RAC1: variants seen among roughly 807,000 people sequenced by gnomAD.
RAC1 encodes Rac family small GTPase 1, also known as ras-related C3 botulinum toxin substrate 1.
RAC1 carries 2 observed loss-of-function variants against 25.2 expected under a neutral mutation model. The ratio of observed to expected loss-of-function variants is 0.08; its 90% CI spans 0.03 to 0.25. The LOEUF (loss-of-function observed/expected upper bound fraction) is 0.25, where lower values mean the gene tolerates loss of function less well. Among genes scored for constraint, RAC1 ranks in the 10% least tolerant of loss-of-function variants. RAC1 has a pLI of 1.00. For missense variants in RAC1, 50 were observed against 235.7 expected, an observed-to-expected ratio of 0.21 and a Z score of 5.16; for synonymous variants, 88 against 94.0, an observed-to-expected ratio of 0.94 and a Z score of 0.37.
In RAC1 at chr7:6,395,864, A is replaced by G. The variant is rs117790615; in HGVS notation, c.225+3823A>G. On this transcript the variant is annotated intron_variant, in intron 3 of 5. Coordinates refer to ENST00000348035, the MANE Select transcript of RAC1 (RefSeq NM_006908.5). The stretch of plus-strand genomic sequence containing the variant: ...AATCCAGGTGGATAGCATTTGGAAG[A>G]GAATAAAACGAAGTAGAAACAACAC... 2.0e-4 allele frequency among the ~76,000 whole-genome samples: 30 copies of G among 152,364 alleles called. No homozygotes were observed. In the East Asian group the frequency reaches 4.8e-3, roughly 24 times the overall value.
rs1321838628 is a variant in RAC1 at position 6,402,296 on chromosome 7, T to C, written c.449-20T>C. 1.9e-6 allele frequency: 3 copies of C among 1,592,782 alleles called. No homozygotes were observed. Among genetic ancestry groups the C allele is most frequent in the Middle Eastern group, 1.7e-4 (1 of 5,826 alleles). On this transcript the variant is annotated intron_variant, in intron 5 of 5. Transcript: ENST00000348035. ...GAGTGGGGTCGAGTGTACATTGCCG[T>C]GTGGTCGTGTTTCCTGTAGGTGCTG...
chr7:6,376,894 T>C (rs1252165766), intron 1 of RAC1, among the ~76,000 whole-genome samples: 3 of 151,818 alleles, frequency 2.0e-5, no homozygotes, highest in Non-Finnish European at 2.9e-5. Flanking sequence ...TGTGGACCTC[T>C]GCTGTTTGAA....
At chr7:6,386,646 T>C (rs1782931730) in intron 1 of RAC1, among the ~76,000 whole-genome samples, 1 of 150,612 alleles carries the variant, frequency 6.6e-6, no homozygotes, top group Non-Finnish European at 1.5e-5. Context: ...TATCCAGGCG[T>C]GGTGGTGGAC....
intron 3 of RAC1, among the ~76,000 whole-genome samples, chr7:6,397,165 C>T (rs1335059739): frequency 5.4e-5 from 7 of 129,232 alleles, no homozygotes; most frequent in East Asian, 2.5e-4. Context: ...GGCGTGAACC[C>T]GGGAGGTGGA....
rs983676222 is a variant in RAC1 at position 6,400,253 on chromosome 7, A to C, written c.288+65A>C. On this transcript the variant is annotated intron_variant, in intron 4 of 5. Transcript: ENST00000348035. ...GATCCTCTCAGAAATAAATACTTTA[A>C]AATATCACTTAGCCTAGGAATTTTT... is the stretch of plus-strand genomic sequence containing the variant. The C allele has an allele frequency of 2.8e-6, 4 of 1,422,402 alleles. No homozygotes were observed. In the African/African-American group the frequency reaches 5.7e-5, roughly 20 times the overall value. 88.1% of individuals were successfully genotyped at this position (1,422,402 alleles called of 1,614,324 possible). A position where few individuals can be genotyped will look rare whatever the true frequency, so the allele number is the denominator to read the frequency against.
chr7:6,395,302 G>C (rs1375540480), intron 3 of RAC1, among the ~76,000 whole-genome samples: 1 of 152,136 alleles, frequency 6.6e-6, no homozygotes, highest in Non-Finnish European at 1.5e-5. Context: ...CTAGACTCCT[G>C]TGATGGTAGA....
At chr7:6,384,596 G>C (rs1206230698) in intron 1 of RAC1, among the ~76,000 whole-genome samples, 1 of 152,060 alleles carries the variant, frequency 6.6e-6, no homozygotes, top group Non-Finnish European at 1.5e-5. Context: ...TCTTGCTTCA[G>C]CCTCCTGAGT....
rs1395125275 is a variant in RAC1, at chr7:6,376,510, T to C, written c.35+1740T>C. On this transcript the variant is annotated intron_variant, in intron 1 of 5. Coordinates refer to ENST00000348035, the MANE Select transcript of RAC1 (RefSeq NM_006908.5). ...AATTTTTTTTTTTTTTCTTTTCTTT[T>C]TTTTTTTTTTGAGACGGGGTCTCAC... is the stretch of plus-strand genomic sequence containing the variant. 1.7e-3 allele frequency among the ~76,000 whole-genome samples: 256 copies of C among 147,128 alleles called. 2 individuals carry two copies. The highest frequency in any genetic ancestry group is 6.2e-3 in the African/African-American group (247 of 39,814).
At chr7:6,393,995 G>T (rs1783159354) in intron 3 of RAC1, among the ~76,000 whole-genome samples, 1 of 152,168 alleles carries the variant, frequency 6.6e-6, no homozygotes, top group Non-Finnish European at 1.5e-5. Flanking sequence ...TGGCACCTGG[G>T]TCTCTTGTTG....
rs1210398713 is a variant in RAC1 at position 6,374,532 on chromosome 7, T to G, written c.-204T>G. ...GTGAGTGGAGCGGCCATTTCCTGTT[T>G]CTCTGCAGTTTTCCTCAGCTTTGGG... is the stretch of plus-strand genomic sequence containing the variant. On this transcript the variant is annotated 5_prime_UTR_variant, in exon 1 of 6. Coordinates refer to ENST00000348035, the MANE Select transcript of RAC1 (RefSeq NM_006908.5). 5.5e-6 allele frequency: 1 copy of G among 182,210 alleles called. No homozygotes were observed. Among genetic ancestry groups the G allele is most frequent in the Non-Finnish European group, 1.1e-5 (1 of 90,468 alleles). 11.3% of individuals were successfully genotyped at this position (182,210 alleles called of 1,614,324 possible).
chr7:6,392,993 G>C (rs75233683), intron 3 of RAC1, among the ~76,000 whole-genome samples: 10 of 152,230 alleles, frequency 6.6e-5, no homozygotes, highest in African/African-American at 2.4e-4. Flanking sequence ...CAGTGTGCGG[G>C]TGGGTCGGCC....
rs2115197270 is a variant in RAC1 at position 6,389,869 on chromosome 7, C to G, written c.108-2055C>G. On this transcript the variant is annotated intron_variant, in intron 2 of 5. Transcript: ENST00000348035. ...ACATTTTTAGTCTCTTGTGAATTGT[C>G]TGTTTAAATCTTTTGTATTTTTCTA... Among the ~76,000 whole-genome samples the G allele has an allele frequency of 2.0e-5, 3 of 152,144 alleles. No homozygotes were observed. In the South Asian group the frequency reaches 6.2e-4, roughly 32 times the overall value.
At chr7:6,380,107 C>A (rs1230840100) in intron 1 of RAC1, among the ~76,000 whole-genome samples, 12 of 152,126 alleles carry the variant, frequency 7.9e-5, no homozygotes, top group African/African-American at 2.7e-4. Flanking sequence ...AAATGCCTTC[C>A]GTGACATCAT....
chr7:6,385,061 C>T lies in RAC1; in HGVS notation c.36-2151C>T, dbSNP rs866799656. Among the ~76,000 whole-genome samples the T allele has an allele frequency of 2.5e-4, 38 of 152,296 alleles. No individual in the cohort carries two copies. In the Middle Eastern group the frequency reaches 0.014, roughly 55 times the overall value. ...GCTCAAGCGATCCACCCACCTCAGC[C>T]TCCCAAAGTGCTAGGATTACAGGCA... On this transcript the variant is annotated intron_variant, in intron 1 of 5. Transcript: ENST00000348035.
At chr7:6,399,499 C>T (rs925233445) in intron 3 of RAC1, among the ~76,000 whole-genome samples, 1 of 152,256 alleles carries the variant, frequency 6.6e-6, no homozygotes, top group Non-Finnish European at 1.5e-5. Context: ...CTGTCCTCTG[C>T]ACCCACCCTT....
At position 6,402,526 on chromosome 7, in the gene RAC1, A is replaced by AAAAAAAAAAAC. The variant is rs1783441480; in HGVS notation, c.*90_*91insCAAAAAAAAAA. On this transcript the variant is annotated 3_prime_UTR_variant, in exon 6 of 6. Coordinates refer to ENST00000348035, the MANE Select transcript of RAC1 (RefSeq NM_006908.5). Reference sequence around the variant, plus strand: ...TCAAAAAAAAACAAAAAAAAAAAACAAAAAAAAAAAACAACGGTGGAGCCT... The same window carrying AAAAAAAAAAAC: ...TCAAAAAAAAACAAAAAAAAAAAACAAAAAAAAAAACAAAAAAAAAAACAACGGTGGAGCCT... The AAAAAAAAAAAC allele has an allele frequency of 7.1e-6, 5 of 703,932 alleles. No homozygotes were observed. The highest frequency in any genetic ancestry group is 6.8e-5 in the Admixed American group (1 of 14,666). The allele number at this position is 703,932 out of a possible 1,614,324, so 43.6% of individuals were successfully genotyped here.
rs34506050 is a variant in RAC1 at position 6,394,395 on chromosome 7, G to A, written c.225+2354G>A. ...GCTAAGTTCTGCATACTCATCTTCAGTTGCTATGCACAGAATCAAGTCTTG... is the reference window on the plus strand; with the variant it reads ...GCTAAGTTCTGCATACTCATCTTCAATTGCTATGCACAGAATCAAGTCTTG... On this transcript the variant is annotated intron_variant, in intron 3 of 5. Coordinates refer to ENST00000348035, the MANE Select transcript of RAC1 (RefSeq NM_006908.5). Among the ~76,000 whole-genome samples, 262 of 152,254 alleles carry A rather than the reference G, an allele frequency of 1.7e-3. 1 individual carries two copies. Among genetic ancestry groups the A allele is most frequent in the African/African-American group, 5.9e-3 (247 of 41,526 alleles).
chr7:6,402,176 T>C, intron 5 of RAC1, 140 bp from the exon 6 acceptor site: 2 of 1,453,234 alleles, frequency 1.4e-6, no homozygotes, highest in Non-Finnish European at 1.9e-6. Context: ...CTGTGGGTCT[T>C]AACGTCAGCG....
chr7:6,400,886 G>T (rs563626728), intron 4 of RAC1, among the ~76,000 whole-genome samples: 1 of 152,222 alleles, frequency 6.6e-6, no homozygotes, highest in East Asian at 1.9e-4. Context: ...CGTCAGTCAG[G>T]CTGGTCTCGA....
Sources: gnomAD v4.1 joint callset for allele counts (sites outside exome capture counted in the v4.1 genomes callset) on GRCh38, gnomAD v4.1.1 for gene constraint, MANE v1.5 for transcripts, NCBI Gene and HGNC (gene_info 2026-07-23, HGNC 2026-07-21) for gene names.